The following FRS2 variants were observed in gnomAD, a reference collection of about 807,000 sequenced individuals.
The protein encoded by FRS2 is FGFR signalling adaptor.
Under a neutral mutation model 43.9 loss-of-function variants are expected in FRS2, and 8 were observed. That is an observed-to-expected ratio of 0.18 (90% CI 0.11 to 0.33). FRS2 has a LOEUF of 0.33. FRS2 is among the 10% of genes least tolerant of loss of function. The probability of loss-of-function intolerance (pLI) is 1.00; values close to 1 mark genes in which losing one functional copy is unlikely to be tolerated. For missense variants in FRS2, 534 were observed against 627.6 expected (o/e 0.85, Z 1.59); for synonymous variants, 219 against 220.3 (o/e 0.99, Z 0.05).
rs148519974 is a variant in FRS2, at chr12:69,498,876, T to C, written c.-261+28346T>C. On this transcript the variant is annotated intron_variant, in intron 1 of 8. Transcript: ENST00000549921. ...TAGGATTATAAAGGAGTAATAACACTATTGTTTATTGAGCTTCTATTATGT... is the reference window on the plus strand; with the variant it reads ...TAGGATTATAAAGGAGTAATAACACCATTGTTTATTGAGCTTCTATTATGT... Among the ~76,000 whole-genome samples the C allele has an allele frequency of 5.3e-4, 80 of 152,304 alleles. No individual in the cohort carries two copies. The East Asian group carries it at 0.011, about 21-fold the overall frequency.
intron 1 of FRS2, among the ~76,000 whole-genome samples, chr12:69,496,744 A>G (rs556734467): frequency 1.3e-5 from 2 of 152,368 alleles, no homozygotes; most frequent in East Asian, 3.9e-4. Context: ...TAGAGAAGAT[A>G]TTAGTTATCT....
intron 3 of FRS2, among the ~76,000 whole-genome samples, chr12:69,537,472 A>G (rs1309505907): frequency 2.0e-5 from 3 of 152,156 alleles, no homozygotes; most frequent in African/African-American, 7.2e-5. Flanking sequence ...CTCTGTGTGT[A>G]GAATTCTGTT....
chr12:69,470,400 C>A lies in FRS2; in HGVS notation c.-391C>A. On this transcript the variant is annotated 5_prime_UTR_variant, in exon 1 of 9. Transcript: ENST00000549921. ...GGAAGTGCTTTTCCAAGATTCGGGCCGGAGAGAGGCCTTGTAGGCACAGCG... is the reference window on the plus strand; with the variant it reads ...GGAAGTGCTTTTCCAAGATTCGGGCAGGAGAGAGGCCTTGTAGGCACAGCG... 2 of 398,620 alleles carry A rather than the reference C, an allele frequency of 5.0e-6. No homozygotes were observed. The highest frequency in any genetic ancestry group is 4.4e-5 in the Admixed American group (1 of 22,728). The allele number at this position is 398,620 out of a possible 1,614,324, so 24.7% of individuals were successfully genotyped here.
intron 3 of FRS2, among the ~76,000 whole-genome samples, chr12:69,557,609 T>C (rs1593050261): frequency 8.0e-6 from 1 of 125,014 alleles, no homozygotes; most frequent in Admixed American, 7.7e-5. Context: ...TGTGTGTGTG[T>C]GTGTGTGTGT....
intron 3 of FRS2, among the ~76,000 whole-genome samples, chr12:69,555,015 A>AT (rs1370503633): frequency 1.3e-5 from 2 of 149,852 alleles, no homozygotes; most frequent in African/African-American, 2.5e-5. Flanking sequence ...GCCCAGCTTT[A>AT]TTTTTTTTAA....
intron 8 of FRS2, 88 bp downstream of exon 8, chr12:69,572,369 G>T (rs1880841016): frequency 7.9e-6 from 8 of 1,011,622 alleles, no homozygotes; most frequent in African/African-American, 1.6e-5. Flanking sequence ...TATTCAGCTT[G>T]AAGTTTAACT....
At chr12:69,528,853 C>CAG (rs1422681330) in intron 1 of FRS2, among the ~76,000 whole-genome samples, 1 of 152,092 alleles carries the variant, frequency 6.6e-6, no homozygotes, top group Non-Finnish European at 1.5e-5. Flanking sequence ...AGAAATAAGC[C>CAG]AGAGAGAGAG....
chr12:69,534,721 C>T (rs985803802), intron 3 of FRS2, among the ~76,000 whole-genome samples: 1 of 152,272 alleles, frequency 6.6e-6, no homozygotes, highest in Admixed American at 6.5e-5. Flanking sequence ...CATGTAGAAA[C>T]TACAAGTCTG....
At chr12:69,534,930 T>A (rs1436392470) in intron 3 of FRS2, among the ~76,000 whole-genome samples, 1 of 152,206 alleles carries the variant, frequency 6.6e-6, no homozygotes, top group Admixed American at 6.5e-5. Context: ...TTTAAATTAT[T>A]TATCTTGGAA....
rs1408413677 is a variant in FRS2 at position 69,569,054 on chromosome 12, A to G, written c.24A>G (p.Pro8=). 2 of 1,612,358 alleles carry G rather than the reference A, an allele frequency of 1.2e-6. No individual in the cohort carries two copies. The highest frequency in any genetic ancestry group is 1.7e-6 in the Non-Finnish European group (2 of 1,178,788). The change falls in exon 5 of 9, where the codon CCA becomes CCG. Residue 8 remains proline (P), a synonymous_variant. Coordinates refer to ENST00000549921, the MANE Select transcript of FRS2 (RefSeq NM_001278356.2). ...CCATGGGTAGCTGTTGTAGCTGTCCAGATAAAGACACTGTCCCAGATAACC... is the reference window on the plus strand; with the variant it reads ...CCATGGGTAGCTGTTGTAGCTGTCCGGATAAAGACACTGTCCCAGATAACC... The part of the protein sequence containing the change: MGSCCSC[P]DKDTVPDNHR...
chr12:69,551,213 G>A (rs559421362), intron 3 of FRS2, among the ~76,000 whole-genome samples: 1 of 152,284 alleles, frequency 6.6e-6, no homozygotes, highest in Non-Finnish European at 1.5e-5. Flanking sequence ...TTAGCTGGGT[G>A]TGGTGGTATA....
chr12:69,519,845 T>C (rs1275463668), intron 1 of FRS2, among the ~76,000 whole-genome samples: 1 of 152,254 alleles, frequency 6.6e-6, no homozygotes, highest in Non-Finnish European at 1.5e-5. Flanking sequence ...GTCTTTGCTA[T>C]TGTGAATAGT....
intron 3 of FRS2, among the ~76,000 whole-genome samples, chr12:69,556,680 A>G (rs1879385228): frequency 6.6e-6 from 1 of 152,196 alleles, no homozygotes; most frequent in African/African-American, 2.4e-5. Flanking sequence ...TTAAAGTATC[A>G]TATATAAAAA....
chr12:69,519,239 G>A (rs1247276040), intron 1 of FRS2, among the ~76,000 whole-genome samples: 1 of 152,110 alleles, frequency 6.6e-6, no homozygotes, highest in East Asian at 1.9e-4. Context: ...CCCTGGGATT[G>A]TATAAAAGGC....
At chr12:69,470,585 G>T in intron 1 of FRS2, 55 bp downstream of exon 1, 1 of 398,166 alleles carries the variant, frequency 2.5e-6, no homozygotes, top group South Asian at 1.3e-4. Context: ...CGGAGCTGGC[G>T]TTCTCGTGCC....
chr12:69,476,015 C>T (rs1046558415), intron 1 of FRS2, among the ~76,000 whole-genome samples: 3 of 152,040 alleles, frequency 2.0e-5, no homozygotes, highest in African/African-American at 7.3e-5. Flanking sequence ...AAGTTGGCAG[C>T]CCTATGCTGG....
intron 1 of FRS2, among the ~76,000 whole-genome samples, chr12:69,476,615 G>A (rs1355689809): frequency 2.6e-5 from 4 of 152,074 alleles, no homozygotes; most frequent in African/African-American, 9.7e-5. Flanking sequence ...GGTTATGTAA[G>A]TGGAGTCACA....
intron 1 of FRS2, 146 bp downstream of exon 1, chr12:69,470,676 C>T (rs908606832): frequency 5.5e-6 from 2 of 366,204 alleles, no homozygotes; most frequent in African/African-American, 2.1e-5. Flanking sequence ...CCGCGGACTT[C>T]TCCGGGCCAG....
chr12:69,549,883 T>C (rs1355797127), intron 3 of FRS2, among the ~76,000 whole-genome samples: 1 of 152,248 alleles, frequency 6.6e-6, no homozygotes, highest in East Asian at 1.9e-4. Context: ...TCCTCTTGTT[T>C]CTTGGAGAGT....
Sources: gnomAD v4.1 joint callset for allele counts (sites outside exome capture counted in the v4.1 genomes callset) on GRCh38, gnomAD v4.1.1 for gene constraint, MANE v1.5 for transcripts, NCBI Gene and HGNC (gene_info 2026-07-23, HGNC 2026-07-21) for gene names.